Variants in MICU2 observed in about 807,000 individuals in gnomAD.
MICU2 encodes the protein mitochondrial calcium uptake 2, also known as calcium uptake protein 2, mitochondrial.
Under a neutral mutation model 60.4 loss-of-function variants are expected in MICU2, and 64 were observed. The ratio of observed to expected loss-of-function variants is 1.06; its 90% confidence interval spans 0.87 to 1.31. The LOEUF is 1.31. Ranked by LOEUF, MICU2 falls within the 50% of genes most tolerant of loss-of-function variation. MICU2 has a pLI of 0.00. For missense variants in MICU2, 569 were observed against 531.0 expected (o/e 1.07, Z -0.70); for synonymous variants, 201 against 175.0 (o/e 1.15, Z -1.17).
At chr13:21,582,532 G>C (rs967201359) in intron 1 of MICU2, among the ~76,000 whole-genome samples, 1 of 152,158 alleles carries the variant, frequency 6.6e-6, no homozygotes, top group African/African-American at 2.4e-5. Flanking sequence ...TATTTTGTTA[G>C]ATATGAGTTC....
chr13:21,594,578 C>T (rs1196856773), intron 1 of MICU2, among the ~76,000 whole-genome samples: 3 of 152,138 alleles, frequency 2.0e-5, no homozygotes, highest in South Asian at 2.1e-4. Context: ...CACATGCACA[C>T]GTATGTTTAC....
intron 4 of MICU2, chr13:21,531,209 T>A: frequency 1.0e-6 from 1 of 989,578 alleles, no homozygotes; most frequent in Non-Finnish European, 1.6e-6. Flanking sequence ...TAGAGTTATG[T>A]GAGATCCTAG....
chr13:21,521,774 C>G (rs113171144), intron 5 of MICU2, among the ~76,000 whole-genome samples: 2 of 152,122 alleles, frequency 1.3e-5, no homozygotes, highest in African/African-American at 4.8e-5. Flanking sequence ...TCCACAGAGT[C>G]CTCTAATTTT....
intron 1 of MICU2, 77 bp downstream of exon 1, chr13:21,603,862 C>CCAAA: frequency 6.5e-7 from 1 of 1,529,142 alleles, no homozygotes; most frequent in Middle Eastern, 1.9e-4. Flanking sequence ...CCGCCCAGAG[C>CCAAA]CAAACCACTC....
chr13:21,493,458 A>T, intron 11 of MICU2, 105 bp from the exon 12 acceptor site: 1 of 726,644 alleles, frequency 1.4e-6, no homozygotes, highest in South Asian at 2.2e-5. Flanking sequence ...CTCCTCCAAA[A>T]ATAGTTGAGG....
chr13:21,512,203 C>T (rs1445474431), intron 7 of MICU2, among the ~76,000 whole-genome samples: 4 of 152,170 alleles, frequency 2.6e-5, no homozygotes, highest in Non-Finnish European at 5.9e-5. Context: ...GCGCTAATGA[C>T]TAAAGGTGGT....
chr13:21,559,284 A>G (rs990152590), intron 2 of MICU2, among the ~76,000 whole-genome samples: 7 of 152,186 alleles, frequency 4.6e-5, no homozygotes, highest in Non-Finnish European at 8.8e-5. Context: ...GTGTGAATAC[A>G]CTGTAGCACA....
chr13:21,603,900 G>A (rs544062536), intron 1 of MICU2, 39 bp downstream of exon 1: 4 of 1,603,188 alleles, frequency 2.5e-6, no homozygotes, highest in South Asian at 2.2e-5. Context: ...GGGGAGGGAG[G>A]AGCTTGACTG....
chr13:21,580,452 TAATC>T (rs1300333416), intron 1 of MICU2, among the ~76,000 whole-genome samples: 3 of 152,178 alleles, frequency 2.0e-5, no homozygotes, highest in Non-Finnish European at 4.4e-5. Context: ...TGTGTCTTTA[TAATC>T]AAGAATAATC....
intron 1 of MICU2, among the ~76,000 whole-genome samples, chr13:21,602,969 CTTTT>C (rs11291826): frequency 6.7e-5 from 9 of 134,580 alleles, no homozygotes; most frequent in Non-Finnish European, 8.3e-5. Flanking sequence ...GAACTTGAAT[CTTTT>C]TTTTTTTTTT....
chr13:21,569,975 G>A (rs1888071672), intron 1 of MICU2, among the ~76,000 whole-genome samples: 1 of 152,100 alleles, frequency 6.6e-6, no homozygotes, highest in African/African-American at 2.4e-5. Flanking sequence ...AATAGAAAAA[G>A]CAGTGTGGGT....
chr13:21,598,296 A>G (rs1157281554), intron 1 of MICU2, among the ~76,000 whole-genome samples: 2 of 152,248 alleles, frequency 1.3e-5, no homozygotes, highest in Non-Finnish European at 2.9e-5. Context: ...GCAATTAACG[A>G]GTGAACAATA....
chr13:21,522,249 G>C (rs1255931214), intron 5 of MICU2, among the ~76,000 whole-genome samples: 2 of 152,174 alleles, frequency 1.3e-5, no homozygotes, highest in Non-Finnish European at 2.9e-5. Context: ...TCTCTAATCT[G>C]TATCAGTGTC....
chr13:21,545,293 A>G (rs968362086), intron 2 of MICU2, among the ~76,000 whole-genome samples: 7 of 152,242 alleles, frequency 4.6e-5, no homozygotes, highest in Non-Finnish European at 7.3e-5. Flanking sequence ...TAACAGCAAC[A>G]TGGATGGAAC....
chr13:21,512,114 T>G (rs1886444076), intron 7 of MICU2, among the ~76,000 whole-genome samples: 1 of 152,206 alleles, frequency 6.6e-6, no homozygotes, highest in African/African-American at 2.4e-5. Flanking sequence ...TCTGCATCCT[T>G]GCCACCATCT....
At chr13:21,552,932 T>C (rs1033784782) in intron 2 of MICU2, among the ~76,000 whole-genome samples, 2 of 152,216 alleles carry the variant, frequency 1.3e-5, no homozygotes, top group African/African-American at 2.4e-5. Context: ...TGGTTCCATA[T>C]GAACTTTAAA....
chr13:21,598,577 G>A (rs896565440), intron 1 of MICU2, among the ~76,000 whole-genome samples: 1 of 152,058 alleles, frequency 6.6e-6, no homozygotes, highest in Non-Finnish European at 1.5e-5. Context: ...TTAGCTGGGC[G>A]TGGTGGCATT....
intron 3 of MICU2, 87 bp from the exon 4 acceptor site, chr13:21,539,464 A>C: frequency 7.3e-7 from 1 of 1,374,312 alleles, no homozygotes; most frequent in East Asian, 2.4e-5. Flanking sequence ...ATAGCCGGCT[A>C]ATTTCTTTTT....
At chr13:21,544,516 GAA>G (rs10628955) in intron 2 of MICU2, among the ~76,000 whole-genome samples, 3 of 77,360 alleles carry the variant, frequency 3.9e-5, no homozygotes, top group South Asian at 5.3e-4. Flanking sequence ...ATAAACACAT[GAA>G]AAAAAAAAAA....
Sources: gnomAD v4.1 joint callset for allele counts (sites outside exome capture counted in the v4.1 genomes callset) on GRCh38, gnomAD v4.1.1 for gene constraint, MANE v1.5 for transcripts, NCBI Gene and HGNC (gene_info 2026-07-23, HGNC 2026-07-21) for gene names.